Variants in SCN1A observed in about 807,000 individuals in gnomAD.
SCN1A encodes the protein sodium channel protein type 1 subunit alpha.
In SCN1A, 13 loss-of-function variants were observed where a neutral mutation model predicts 193.7. The observed-to-expected ratio is 0.07, with a 90% confidence interval of 0.04 to 0.11. SCN1A has a LOEUF of 0.11. SCN1A is among the 10% of genes least tolerant of loss of function. SCN1A has a pLI of 1.00. For synonymous variants in SCN1A, 781 were observed against 843.6 expected (o/e 0.93, Z 1.29); for missense variants, 1,432 against 2,451.1 (o/e 0.58, Z 8.78).
At chr2:166,085,917 C>T (rs1353008253) in intron 2 of SCN1A, among the ~76,000 whole-genome samples, 1 of 152,102 alleles carries the variant, frequency 6.6e-6, no homozygotes, top group African/African-American at 2.4e-5. Flanking sequence ...AAAGAACTTA[C>T]AGAAAATAGG....
intron 19 of SCN1A, 77 bp from the exon 20 acceptor site, chr2:166,015,804 T>C: frequency 6.6e-7 from 1 of 1,525,244 alleles, no homozygotes; most frequent in South Asian, 1.1e-5. Flanking sequence ...GGATTATTAC[T>C]ATGAATTTGT....
Position 165,992,480 on chromosome 2 carries a change from T to TA in SCN1A, c.4853-59dup. ...AAGAAATCATGCGTTAAAATAAACATATGTTTCTTCTAAAGCTCCAAGGTA... is the reference window on the plus strand; with the variant it reads ...AAGAAATCATGCGTTAAAATAAACATAATGTTTCTTCTAAAGCTCCAAGGTA... On this transcript the variant is annotated intron_variant, in intron 28 of 28. Transcript: ENST00000674923. This position sits in a 1 kb window ranked among gnomAD's most constrained non-coding sequence, Gnocchi z 6.5. 6.3e-7 allele frequency: 1 copy of TA among 1,598,546 alleles called. No homozygotes were observed. The highest frequency in any genetic ancestry group is 8.6e-7 in the Non-Finnish European group (1 of 1,167,066).
chr2:166,036,405 A>G lies in SCN1A; in HGVS notation c.3072T>C (p.Ala1024=). Residue 1024 remains alanine, a synonymous_variant, in exon 19 of 29, where the codon GCT becomes GCC. Coordinates refer to ENST00000674923, the MANE Select transcript of SCN1A (RefSeq NM_001165963.4). ...IAVDRMHKGV[A]YVKRKIYEFI... ...ATTCATATATTTTTCTTTTCACATAAGCTACTCCTTTGTGCATCCTATCCA... is the reference window on the plus strand; with the variant it reads ...ATTCATATATTTTTCTTTTCACATAGGCTACTCCTTTGTGCATCCTATCCA... 1 of 1,601,542 alleles carries G rather than the reference A, an allele frequency of 6.2e-7. No homozygotes were observed. The highest frequency in any genetic ancestry group is 8.5e-7 in the Non-Finnish European group (1 of 1,175,994).
Position 166,041,658 on chromosome 2 carries a change from A to T in SCN1A, c.2177-189T>A, listed in dbSNP as rs375834247. Among the ~76,000 whole-genome samples the T allele has an allele frequency of 2.0e-5, 3 of 152,310 alleles. No homozygotes were observed. The East Asian group carries it at 5.8e-4, about 29-fold the overall frequency. ...CAAGGATATTTCATCAGACACACAC[A>T]TAGAGCCCAGGTAACAATGGGTAGT... is the stretch of plus-strand genomic sequence containing the variant. On this transcript the variant is annotated intron_variant, in intron 15 of 28. Coordinates refer to ENST00000674923, the MANE Select transcript of SCN1A (RefSeq NM_001165963.4).
intron 1 of SCN1A, among the ~76,000 whole-genome samples, chr2:166,140,556 C>T (rs953056056): frequency 1.3e-5 from 2 of 152,158 alleles, no homozygotes; most frequent in South Asian, 4.1e-4. Context: ...TATGTTTGGA[C>T]GTACTCTCAC....
chr2:166,127,405 C>T (rs1382144529), intron 1 of SCN1A, among the ~76,000 whole-genome samples: 1 of 152,140 alleles, frequency 6.6e-6, no homozygotes, highest in Admixed American at 6.6e-5. Context: ...CCAGCTAGTC[C>T]ACTTCCAAAG....
chr2:166,145,859 G>A (rs998979168), intron 1 of SCN1A, among the ~76,000 whole-genome samples: 3 of 152,092 alleles, frequency 2.0e-5, no homozygotes, highest in Admixed American at 1.3e-4. Flanking sequence ...TCTTTGATGA[G>A]TTTGGGCATC....
intron 2 of SCN1A, among the ~76,000 whole-genome samples, chr2:166,084,546 G>A (rs1685892229): frequency 6.6e-6 from 1 of 152,048 alleles, no homozygotes; most frequent in Non-Finnish European, 1.5e-5. Context: ...GGCAATAATG[G>A]GAGAAAAAAT....
intron 19 of SCN1A, chr2:166,027,227 A>G (rs941161885): frequency 1.3e-5 from 2 of 152,174 alleles, no homozygotes; most frequent in Non-Finnish European, 2.9e-5. Context: ...TACAACCCTG[A>G]TGGTAAGAGC....
At chr2:166,148,366 G>T (rs1223127708) in intron 1 of SCN1A, among the ~76,000 whole-genome samples, 1 of 152,146 alleles carries the variant, frequency 6.6e-6, no homozygotes, top group African/African-American at 2.4e-5. Context: ...CAGTGTGAGA[G>T]TCTAAAACAG....
intron 14 of SCN1A, 35 bp downstream of exon 14, chr2:166,043,634 G>A: frequency 6.3e-7 from 1 of 1,578,540 alleles, no homozygotes; most frequent in Non-Finnish European, 8.6e-7. Context: ...GCAATAGTGA[G>A]CCAGCCATGC....
chr2:166,051,554 G>A (rs976942945), intron 9 of SCN1A, among the ~76,000 whole-genome samples, 165 bp downstream of exon 9: 4 of 151,832 alleles, frequency 2.6e-5, no homozygotes, highest in Admixed American at 6.6e-5. Context: ...GTACATGGTA[G>A]GTGTTTCTAT....
intron 19 of SCN1A, among the ~76,000 whole-genome samples, chr2:166,032,218 C>CACACACACAT (rs1695703629): frequency 6.6e-6 from 1 of 152,086 alleles, no homozygotes; most frequent in African/African-American, 2.4e-5. Context: ...CACACACACA[C>CACACACACAT]ACACACACAC....
At position 166,002,815 on chromosome 2, in the gene SCN1A, T is replaced by A. The variant is rs1691116171; in HGVS notation, c.4003-62A>T. On this transcript the variant is annotated intron_variant, in intron 23 of 28. Transcript: ENST00000674923. ...CTTATCTGTTAATAAAGAAAAAAAA[T>A]TCCCCTAGTAATCTCTGGTCTTTCC... 7 of 1,389,238 alleles carry A rather than the reference T, an allele frequency of 5.0e-6. No homozygotes were observed. The South Asian group carries it at 5.5e-5, about 11-fold the overall frequency. 86.1% of individuals were successfully genotyped at this position (1,389,238 alleles called of 1,614,324 possible).
intron 3 of SCN1A, chr2:166,075,458 T>C (rs1684898488): frequency 6.6e-6 from 1 of 152,062 alleles, no homozygotes; most frequent in Non-Finnish European, 1.5e-5. Flanking sequence ...CATTTTTTAC[T>C]TAAAATGTAT....
chr2:166,054,864 A>G (rs1261474741), intron 6 of SCN1A, 98 bp from the exon 7 acceptor site: 2 of 1,090,504 alleles, frequency 1.8e-6, no homozygotes, highest in East Asian at 2.5e-5. Context: ...TAAATACTAA[A>G]AAAGAAAACT....
At position 166,045,226 on chromosome 2, in the gene SCN1A, A is replaced by T. The variant is rs200545739; in HGVS notation, c.1479T>A (p.Ser493Arg). Residue 493 changes from serine (S) to arginine (R), a missense_variant, in exon 13 of 29, where the codon AGT becomes AGA. Ser to Arg is a moderately radical substitution (Grantham distance 110). Coordinates refer to ENST00000674923, the MANE Select transcript of SCN1A (RefSeq NM_001165963.4). ...TCCTCCGATTTCTTCTTTCCTTAGC[A>T]CTCTTGGAACTCAACTTAGAGGCTT... ...SSEASKLSSKSAKERRNRRKK... is the reference protein window; with the variant it reads ...SSEASKLSSKRAKERRNRRKK... 23 of 1,613,484 alleles carry T rather than the reference A, an allele frequency of 1.4e-5. No individual in the cohort carries two copies. The highest frequency in any genetic ancestry group is 1.9e-5 in the Non-Finnish European group (23 of 1,179,912).
chr2:166,068,556 C>G (rs367583140), intron 4 of SCN1A, among the ~76,000 whole-genome samples: 1 of 152,150 alleles, frequency 6.6e-6, no homozygotes, highest in South Asian at 2.1e-4. Flanking sequence ...TAATAATCAT[C>G]CTCTTTTCTG....
chr2:166,094,861 A>G (rs1687206717), intron 2 of SCN1A, among the ~76,000 whole-genome samples: 1 of 150,384 alleles, frequency 6.6e-6, no homozygotes, highest in South Asian at 2.1e-4. Flanking sequence ...TATCTATGTA[A>G]CCCTCCATGT....
Sources: allele counts gnomAD v4.1 joint callset (sites outside exome capture counted in the v4.1 genomes callset), GRCh38; gene constraint gnomAD v4.1.1; non-coding constraint Gnocchi (gnomAD v3.1); transcripts MANE v1.5; gene names NCBI Gene and HGNC (gene_info 2026-07-23, HGNC 2026-07-21).